CDH20: variants seen among roughly 807,000 people sequenced by gnomAD.
CDH20 encodes the protein cadherin 20, also known as cadherin-20.
A neutral mutation model predicts 74.2 loss-of-function variants in CDH20; 29 were observed. That is an observed-to-expected ratio of 0.39 (90% CI 0.29 to 0.53). CDH20 has a LOEUF of 0.53. Among genes scored for constraint, CDH20 ranks in the 20% least tolerant of loss-of-function variants. The pLI, the probability that CDH20 is intolerant of heterozygous loss-of-function variation, is 0.69. For missense variants in CDH20, 988 were observed against 1,048.3 expected, an observed-to-expected ratio of 0.94 and a Z score of 0.79; for synonymous variants, 469 against 405.4, an observed-to-expected ratio of 1.16 and a Z score of -1.88.
At chr18:61,373,068 T>C (rs57410461) in intron 1 of CDH20, among the ~76,000 whole-genome samples, 2,021 of 152,220 alleles carry the variant, frequency 0.013, 37 homozygotes, top group African/African-American at 0.046. Context: ...GGTGAGATTA[T>C]TTCCTTGCTA....
At chr18:61,480,482 G>C (rs1278077708) in intron 1 of CDH20, among the ~76,000 whole-genome samples, 1 of 152,202 alleles carries the variant, frequency 6.6e-6, no homozygotes, top group Non-Finnish European at 1.5e-5. Flanking sequence ...TGTCCAGAAA[G>C]GTGGGACAAC....
chr18:61,520,385 C>G (rs1912164273), intron 6 of CDH20, among the ~76,000 whole-genome samples: 2 of 149,692 alleles, frequency 1.3e-5, no homozygotes, highest in Admixed American at 1.3e-4. Flanking sequence ...ACAAGAATAG[C>G]TAACTATCCT....
intron 1 of CDH20, among the ~76,000 whole-genome samples, chr18:61,374,821 T>C (rs1456087568): frequency 6.6e-6 from 1 of 152,116 alleles, no homozygotes; most frequent in Non-Finnish European, 1.5e-5. Flanking sequence ...TAGAGCATTT[T>C]GTAAAGGGTG....
chr18:61,467,765 A>T (rs917676605), intron 1 of CDH20, among the ~76,000 whole-genome samples: 26 of 152,206 alleles, frequency 1.7e-4, no homozygotes, highest in Admixed American at 1.5e-3. Flanking sequence ...TATGCATTGG[A>T]AACCGTCTGG....
At chr18:61,441,587 AT>A (rs780424267) in intron 1 of CDH20, among the ~76,000 whole-genome samples, 76 of 152,320 alleles carry the variant, frequency 5.0e-4, no homozygotes, top group Non-Finnish European at 8.8e-4. Flanking sequence ...AAAGAAAAAA[AT>A]GAATAGTTTT....
chr18:61,514,550 C>T (rs934151882), intron 6 of CDH20, among the ~76,000 whole-genome samples: 2 of 151,860 alleles, frequency 1.3e-5, no homozygotes, highest in African/African-American at 4.8e-5. Context: ...TGAGGAACTG[C>T]GTTCCTTTGG....
intron 1 of CDH20, among the ~76,000 whole-genome samples, chr18:61,463,570 AC>A (rs754861303): frequency 1.3e-5 from 2 of 148,790 alleles, no homozygotes; most frequent in Non-Finnish European, 2.9e-5. Flanking sequence ...TCTGAAACAC[AC>A]CCTTTGGCTT....
chr18:61,338,561 T>C (rs1909834718), intron 1 of CDH20, among the ~76,000 whole-genome samples: 1 of 152,182 alleles, frequency 6.6e-6, no homozygotes, highest in Non-Finnish European at 1.5e-5. Flanking sequence ...AGAGGTTATC[T>C]GGCCTACAAA....
intron 1 of CDH20, among the ~76,000 whole-genome samples, chr18:61,342,273 A>T (rs1909977983): frequency 1.3e-5 from 2 of 152,246 alleles, no homozygotes. Flanking sequence ...ACCGCCATTT[A>T]TTTAGCCATA....
chr18:61,463,273 C>T (rs1324263563), intron 1 of CDH20, among the ~76,000 whole-genome samples: 4 of 152,116 alleles, frequency 2.6e-5, no homozygotes, highest in Non-Finnish European at 5.9e-5. Context: ...TCACCCCATC[C>T]CGGTATCATC....
chr18:61,552,507 C>G (rs1913471157), intron 11 of CDH20, among the ~76,000 whole-genome samples: 1 of 152,074 alleles, frequency 6.6e-6, no homozygotes, highest in Non-Finnish European at 1.5e-5. Context: ...GCAAGGTATT[C>G]AAAAGACTTC....
chr18:61,527,508 A>G (rs769406539), intron 6 of CDH20, among the ~76,000 whole-genome samples: 4 of 152,144 alleles, frequency 2.6e-5, no homozygotes, highest in Non-Finnish European at 5.9e-5. Context: ...AAGCACCTCT[A>G]AAGATAATGT....
At chr18:61,492,606 G>A (rs1015342206) in intron 2 of CDH20, among the ~76,000 whole-genome samples, 9 of 152,130 alleles carry the variant, frequency 5.9e-5, no homozygotes, top group Non-Finnish European at 1.0e-4. Flanking sequence ...CGTTGCAGCG[G>A]TATGACCTTT....
chr18:61,396,048 T>C (rs987699675), intron 1 of CDH20, among the ~76,000 whole-genome samples: 1 of 150,344 alleles, frequency 6.7e-6, no homozygotes, highest in African/African-American at 2.4e-5. Flanking sequence ...AGAGTGTGTG[T>C]GTGTTTGTGT....
At chr18:61,450,094 G>A (rs1466440090) in intron 1 of CDH20, among the ~76,000 whole-genome samples, 1 of 151,962 alleles carries the variant, frequency 6.6e-6, no homozygotes, top group Non-Finnish European at 1.5e-5. Context: ...TATTCTGTAT[G>A]TAGTAAGAAT....
rs757072442 is a variant in CDH20 at position 61,500,367 on chromosome 18, C to T, written c.542-16C>T. 7.5e-6 allele frequency: 12 copies of T among 1,610,168 alleles called. No homozygotes were observed. The highest frequency in any genetic ancestry group is 5.5e-5 in the South Asian group (5 of 90,314). Reference sequence around the variant, plus strand: ...CTATTAGACTTGAACAGGTTTCTACCTCTTCTCTTCCCCAGGTACCTCCGT... The same window carrying T: ...CTATTAGACTTGAACAGGTTTCTACTTCTTCTCTTCCCCAGGTACCTCCGT... On this transcript the variant is annotated splice_polypyrimidine_tract_variant and intron_variant, in intron 3 of 11. Transcript: ENST00000262717.
At chr18:61,493,191 C>G (rs572282354) in intron 2 of CDH20, among the ~76,000 whole-genome samples, 1 of 152,280 alleles carries the variant, frequency 6.6e-6, no homozygotes, top group South Asian at 2.1e-4. Flanking sequence ...TTTACCTTCA[C>G]GTGCAATCGG....
intron 1 of CDH20, among the ~76,000 whole-genome samples, chr18:61,365,924 A>G (rs1369875995): frequency 2.0e-5 from 3 of 152,208 alleles, no homozygotes; most frequent in African/African-American, 7.2e-5. Flanking sequence ...TAAAATATTT[A>G]AAACTCCTTA....
At chr18:61,392,186 C>A (rs1911808527) in intron 1 of CDH20, among the ~76,000 whole-genome samples, 1 of 151,268 alleles carries the variant, frequency 6.6e-6, no homozygotes, top group Admixed American at 6.6e-5. Flanking sequence ...CCCCACCCCA[C>A]CCCCTACTCC....
Sources: gnomAD v4.1 joint callset for allele counts (sites outside exome capture counted in the v4.1 genomes callset) on GRCh38, gnomAD v4.1.1 for gene constraint, MANE v1.5 for transcripts, NCBI Gene and HGNC (gene_info 2026-07-23, HGNC 2026-07-21) for gene names.